Variants in CCNY observed in about 807,000 individuals in gnomAD.
The protein encoded by CCNY is cyclin Y, also known as cyclin-Y.
A neutral mutation model predicts 42.8 loss-of-function variants in CCNY; 19 were observed. That is an observed-to-expected ratio of 0.44 (90% CI 0.31 to 0.65). The LOEUF (loss-of-function observed/expected upper bound fraction) is 0.65, where lower values mean the gene tolerates loss of function less well. CCNY is among the 30% of genes least tolerant of loss of function. The probability of loss-of-function intolerance (pLI) is 0.07; values close to 1 mark genes in which losing one functional copy is unlikely to be tolerated. For missense variants in CCNY, 370 were observed against 437.3 expected, an observed-to-expected ratio of 0.85 and a Z score of 1.37; for synonymous variants, 165 against 162.7, an observed-to-expected ratio of 1.01 and a Z score of -0.11.
At chr10:35,354,604 A>AGATAC (rs1409858263) in intron 1 of CCNY, among the ~76,000 whole-genome samples, 2 of 152,212 alleles carry the variant, frequency 1.3e-5, no homozygotes, top group African/African-American at 4.8e-5. Flanking sequence ...GAATACCAGG[A>AGATAC]GATACATTGG....
intron 1 of CCNY, among the ~76,000 whole-genome samples, chr10:35,339,540 TTTAA>T (rs1248733282): frequency 8.5e-5 from 13 of 152,202 alleles, no homozygotes; most frequent in African/African-American, 2.4e-5. Flanking sequence ...AAAACTACAT[TTTAA>T]GAATCATTGA....
intron 7 of CCNY, among the ~76,000 whole-genome samples, chr10:35,544,521 C>T (rs1841072415): frequency 6.6e-6 from 1 of 152,108 alleles, no homozygotes; most frequent in Non-Finnish European, 1.5e-5. Flanking sequence ...CCTAATGAAG[C>T]ATTTTTCAGA....
intron 8 of CCNY, among the ~76,000 whole-genome samples, chr10:35,563,200 T>C (rs1364704796): frequency 6.6e-6 from 1 of 152,182 alleles, no homozygotes; most frequent in Non-Finnish European, 1.5e-5. Context: ...TCTAAATCTT[T>C]AGAAAAAAAT....
At chr10:35,371,768 G>C (rs1163827758) in intron 1 of CCNY, among the ~76,000 whole-genome samples, 1 of 152,166 alleles carries the variant, frequency 6.6e-6, no homozygotes, top group Non-Finnish European at 1.5e-5. Flanking sequence ...AACCAAGAAG[G>C]GTGGTCAGAG....
chr10:35,387,443 C>T (rs1035533026), intron 1 of CCNY, among the ~76,000 whole-genome samples: 4 of 152,124 alleles, frequency 2.6e-5, no homozygotes, highest in African/African-American at 9.7e-5. Context: ...CATGAGACTG[C>T]CTGCTCCATG....
At chr10:35,330,948 C>T (rs1393777058) in intron 3 of CCNY, among the ~76,000 whole-genome samples, 5 of 152,106 alleles carry the variant, frequency 3.3e-5, no homozygotes, top group East Asian at 1.9e-4. Flanking sequence ...TTAGTAGAGA[C>T]GGGGTTTTGC....
intron 1 of CCNY, among the ~76,000 whole-genome samples, chr10:35,418,860 C>T (rs1326384447): frequency 6.6e-6 from 1 of 151,694 alleles, no homozygotes; most frequent in African/African-American, 2.4e-5. Context: ...ATCTCTCTGT[C>T]ACCAGGCTGG....
At chr10:35,435,113 A>C (rs1438561626) in intron 1 of CCNY, among the ~76,000 whole-genome samples, 1 of 152,186 alleles carries the variant, frequency 6.6e-6, no homozygotes, top group Non-Finnish European at 1.5e-5. Context: ...GGATTTCATG[A>C]GTCTGAGAGA....
At chr10:35,520,547 A>G (rs930859611) in intron 4 of CCNY, among the ~76,000 whole-genome samples, 4 of 152,178 alleles carry the variant, frequency 2.6e-5, no homozygotes, top group African/African-American at 9.7e-5. Context: ...TGTAACTGTG[A>G]GAAGAATGCC....
At chr10:35,398,393 A>G (rs772975012) in intron 1 of CCNY, among the ~76,000 whole-genome samples, 2 of 152,210 alleles carry the variant, frequency 1.3e-5, no homozygotes, top group Non-Finnish European at 2.9e-5. Context: ...GTCCTTTTGC[A>G]TGGCGGAGAT....
Position 35,509,108 on chromosome 10 carries a change from C to T in CCNY, c.265-7415C>T, listed in dbSNP as rs374254812. On this transcript the variant is annotated intron_variant, in intron 3 of 9. Coordinates refer to ENST00000374704, the MANE Select transcript of CCNY (RefSeq NM_145012.6). ...ACATTTCTACAGAGCAGAATTCTAC[C>T]ATAAAGTTGGCATTTTCCCAATTTT... 1.2e-4 allele frequency among the ~76,000 whole-genome samples: 18 copies of T among 152,246 alleles called. 1 individual carries two copies. The South Asian group carries it at 3.3e-3, about 28-fold the overall frequency.
At chr10:35,327,330 T>C (rs1189794052) in intron 3 of CCNY, among the ~76,000 whole-genome samples, 2 of 152,198 alleles carry the variant, frequency 1.3e-5, no homozygotes, top group Non-Finnish European at 2.9e-5. Context: ...TAAATACAGA[T>C]GTACATCCTT....
chr10:35,420,488 T>C (rs1838135659), intron 1 of CCNY, among the ~76,000 whole-genome samples: 1 of 152,210 alleles, frequency 6.6e-6, no homozygotes, highest in African/African-American at 2.4e-5. Context: ...TCAGTGACTT[T>C]GCAACTACTC....
intron 3 of CCNY, among the ~76,000 whole-genome samples, chr10:35,290,235 C>CACACACACAA (rs1835397991): frequency 6.7e-6 from 1 of 148,462 alleles, no homozygotes; most frequent in Non-Finnish European, 1.5e-5. Context: ...CACACACACA[C>CACACACACAA]ACACACACAC....
At chr10:35,378,363 C>T (rs370654377) in intron 1 of CCNY, among the ~76,000 whole-genome samples, 21 of 152,076 alleles carry the variant, frequency 1.4e-4, no homozygotes, top group African/African-American at 4.8e-4. Context: ...GTGATGAGAG[C>T]CTGTGTCTTT....
intron 1 of CCNY, among the ~76,000 whole-genome samples, chr10:35,447,408 G>T (rs1417272824): frequency 1.3e-5 from 2 of 152,172 alleles, no homozygotes; most frequent in African/African-American, 4.8e-5. Context: ...AAGCCAGAGA[G>T]CAATTTTTAT....
At chr10:35,502,645 A>C (rs1178920692) in intron 3 of CCNY, among the ~76,000 whole-genome samples, 1 of 152,180 alleles carries the variant, frequency 6.6e-6, no homozygotes, top group East Asian at 1.9e-4. Context: ...TTCTTAAAGC[A>C]ATCTGTGACC....
intron 7 of CCNY, among the ~76,000 whole-genome samples, chr10:35,531,799 C>T (rs547083807): frequency 5.3e-5 from 8 of 152,128 alleles, no homozygotes; most frequent in African/African-American, 1.7e-4. Flanking sequence ...CCTTCCTGGT[C>T]GGGATTATTA....
intron 1 of CCNY, among the ~76,000 whole-genome samples, chr10:35,474,212 C>T (rs2891500): frequency 0.32 from 49,334 of 152,056 alleles, 10,065 homozygotes; most frequent in Middle Eastern, 0.45. Context: ...GGCAGCGAGG[C>T]TTGGGGGAGG....
Sources: allele counts gnomAD v4.1 joint callset (sites outside exome capture counted in the v4.1 genomes callset), GRCh38; gene constraint gnomAD v4.1.1; transcripts MANE v1.5; gene names NCBI Gene and HGNC (gene_info 2026-07-23, HGNC 2026-07-21).